The following COMP variants were observed in gnomAD, a reference collection of about 807,000 sequenced individuals.
COMP encodes cartilage oligomeric matrix protein.
A neutral mutation model predicts 95.8 loss-of-function variants in COMP; 79 were observed. The ratio of observed to expected loss-of-function variants is 0.82; its 90% CI spans 0.69 to 0.99. The LOEUF is 0.99. Among genes scored for constraint, COMP ranks in the 50% least tolerant of loss-of-function variants. COMP has a pLI of 0.00. For synonymous variants in COMP, 438 were observed against 433.9 expected, an observed-to-expected ratio of 1.01 and a Z score of -0.12; for missense variants, 906 against 1,076.1, an observed-to-expected ratio of 0.84 and a Z score of 2.21.
At chr19:18,790,432 C>A (rs574216328) in intron 3 of COMP, 130 bp downstream of exon 3, 2 of 1,190,488 alleles carry the variant, frequency 1.7e-6, no homozygotes, top group South Asian at 1.2e-5. Context: ...CCCGTTCGTC[C>A]GTCCACCTCT....
At position 18,786,268 on chromosome 19, in the gene COMP, C is replaced by T; in HGVS notation, c.1278G>A (p.Val426=). 6.2e-7 allele frequency: 1 copy of T among 1,614,036 alleles called. No individual in the cohort carries two copies. The highest frequency in any genetic ancestry group is 1.6e-4 in the Middle Eastern group (1 of 6,062). Residue 426 remains valine, a synonymous_variant, in exon 12 of 19, where the codon GTG becomes GTA. Transcript: ENST00000222271. ...CTTGATCGCTGTCACAAGCATCTCC[C>T]ACAAAGTCGTGGTCCACATCCGCCT... ...PDQADVDHDF[V]GDACDSDQDQ...
chr19:18,787,156 G>A, intron 10 of COMP: 1 of 454,524 alleles, frequency 2.2e-6, no homozygotes, highest in Non-Finnish European at 4.1e-6. Context: ...GCTCAGCTGG[G>A]TGCCCGTGTG....
Position 18,784,284 on chromosome 19 carries a change from C to T in COMP, c.1994G>A (p.Arg665Gln), listed in dbSNP as rs774638335. The T allele has an allele frequency of 3.7e-5, 59 of 1,613,964 alleles. 1 individual carries two copies. The highest frequency in any genetic ancestry group is 4.3e-5 in the Non-Finnish European group (51 of 1,180,024). Residue 665 changes from arginine to glutamine, a missense_variant, in exon 17 of 19, where the codon CGG (arginine) becomes CAG (glutamine). Transcript: ENST00000222271. The surrounding 1 kb of genome is among the most constrained non-coding windows in gnomAD (Gnocchi z 4.9). ...WHTGDTESQVRLLWKDPRNVG... is the reference protein window; with the variant it reads ...WHTGDTESQVQLLWKDPRNVG... ...GTTTCGCGGGTCCTTCCACAGCAGCCGCACCTGGGACTCTGTGTCTCCTGT... is the reference window on the plus strand; with the variant it reads ...GTTTCGCGGGTCCTTCCACAGCAGCTGCACCTGGGACTCTGTGTCTCCTGT...
intron 17 of COMP, among the ~76,000 whole-genome samples, chr19:18,783,836 C>T (rs1328249128): frequency 2.0e-5 from 3 of 152,266 alleles, no homozygotes; most frequent in East Asian, 1.9e-4. Context: ...TCTCAAACTC[C>T]GGACCTCAGG....
At chr19:18,783,946 A>AT (rs1314986946) in intron 17 of COMP, among the ~76,000 whole-genome samples, 2 of 151,982 alleles carry the variant, frequency 1.3e-5, no homozygotes, top group African/African-American at 4.8e-5. Flanking sequence ...GGGTCTTACT[A>AT]TGTTACCCAG....
chr19:18,785,567 A>T, intron 14 of COMP, 21 bp from the exon 15 acceptor site: 1 of 1,613,950 alleles, frequency 6.2e-7, no homozygotes, highest in East Asian at 2.2e-5. Flanking sequence ...CAAAGAAAGG[A>T]GGGCCTCAGG....
At chr19:18,783,906 G>T (rs1172251420) in intron 17 of COMP, among the ~76,000 whole-genome samples, 1 of 152,106 alleles carries the variant, frequency 6.6e-6, no homozygotes, top group East Asian at 1.9e-4. Flanking sequence ...CACTGCGCCT[G>T]GCCTAATTTT....
rs967803053 is a variant in COMP, at chr19:18,789,790, G to T, written c.390+152C>A. 4.5e-5 allele frequency: 45 copies of T among 1,005,022 alleles called. 2 individuals carry two copies. The highest frequency in any genetic ancestry group is 3.6e-4 in the East Asian group (14 of 38,406). 62.3% of individuals were successfully genotyped at this position (1,005,022 alleles called of 1,614,324 possible). On this transcript the variant is annotated intron_variant, in intron 4 of 18. Coordinates refer to ENST00000222271, the MANE Select transcript of COMP (RefSeq NM_000095.3). The surrounding 1 kb of genome is among the most constrained non-coding windows in gnomAD (Gnocchi z 6.1). ...TGGTCCTTGGGTTGGGCGTCCCCCC[G>T]CGGTAAGGAGGTAGTCTGGCCGTGC...
At position 18,785,853 on chromosome 19, in the gene COMP, T is replaced by C; in HGVS notation, c.1490-2A>G. 1 of 1,611,014 alleles carries C rather than the reference T, an allele frequency of 6.2e-7. No homozygotes were observed. Among genetic ancestry groups the C allele is most frequent in the Non-Finnish European group, 8.5e-7 (1 of 1,179,980 alleles). On this transcript the variant is annotated splice_acceptor_variant, in intron 13 of 18. Coordinates refer to ENST00000222271, the MANE Select transcript of COMP (RefSeq NM_000095.3). LOFTEE classifies it high-confidence loss of function. ...GGCACACGTCGCCCACGCCGTCCCC[T>C]GAGAGGTGGGAGACCCCTCGGTGGG...
intron 3 of COMP, 50 bp from the exon 4 acceptor site, chr19:18,790,164 G>T: frequency 2.2e-6 from 3 of 1,392,012 alleles, no homozygotes; most frequent in Non-Finnish European, 2.9e-6. Context: ...TGGCTCGCCC[G>T]GGGGCAGAGC....
chr19:18,787,900 TTCTTTC>T (rs1214448762), intron 9 of COMP, among the ~76,000 whole-genome samples: 1 of 150,256 alleles, frequency 6.7e-6, no homozygotes, highest in Non-Finnish European at 1.5e-5. Context: ...CTTTCTTTCT[TTCTTTC>T]TTTCTTTCTT....
intron 10 of COMP, among the ~76,000 whole-genome samples, chr19:18,787,213 C>T (rs1243542112): frequency 6.6e-6 from 1 of 152,228 alleles, no homozygotes; most frequent in Non-Finnish European, 1.5e-5. Context: ...TGTCACCTCC[C>T]AGGTCCTAAA....
In COMP at chr19:18,784,995, G is replaced by A; in HGVS notation, c.1815C>T (p.Asp605=). Residue 605 remains aspartate, a synonymous_variant, in exon 16 of 19, where the codon GAC becomes GAT. Coordinates refer to ENST00000222271, the MANE Select transcript of COMP (RefSeq NM_000095.3). This position sits in a 1 kb window ranked among gnomAD's most constrained non-coding sequence, Gnocchi z 4.9. ...DYAGFIFGYQ[D]SSSFYVVMWK... ...ACATGACCACGTAGAAGCTGGAGCT[G>A]TCCTGGTAGCCAAAGATGAAGCCCG... 1 of 1,614,114 alleles carries A rather than the reference G, an allele frequency of 6.2e-7. No individual in the cohort carries two copies. Among genetic ancestry groups the A allele is most frequent in the Admixed American group, 1.7e-5 (1 of 60,024 alleles).
In COMP at chr19:18,788,554, A is replaced by T; in HGVS notation, c.762+38T>A. 6.4e-7 allele frequency: 1 copy of T among 1,552,294 alleles called. No individual in the cohort carries two copies. Among genetic ancestry groups the T allele is most frequent in the South Asian group, 1.2e-5 (1 of 84,568 alleles). On this transcript the variant is annotated intron_variant, in intron 7 of 18. Transcript: ENST00000222271. The surrounding 1 kb of genome is among the most constrained non-coding windows in gnomAD (Gnocchi z 4.7). ...AAGTGGGTGCCCTGGAGTGGCCGCCACCCAACCCCGCCTCAAGCCCAGCCC... is the reference window on the plus strand; with the variant it reads ...AAGTGGGTGCCCTGGAGTGGCCGCCTCCCAACCCCGCCTCAAGCCCAGCCC...
chr19:18,789,812 G>A lies in COMP; in HGVS notation c.390+130C>T. On this transcript the variant is annotated intron_variant, in intron 4 of 18. Coordinates refer to ENST00000222271, the MANE Select transcript of COMP (RefSeq NM_000095.3). This position sits in a 1 kb window ranked among gnomAD's most constrained non-coding sequence, Gnocchi z 6.1. ...CCCGCGGTAAGGAGGTAGTCTGGCC[G>A]TGCGCCCCCGGAGGTGAGAGGCTCT... 2.5e-6 allele frequency: 3 copies of A among 1,193,222 alleles called. No individual in the cohort carries two copies. The highest frequency in any genetic ancestry group is 1.3e-5 in the South Asian group (1 of 76,884). 73.9% of individuals were successfully genotyped at this position (1,193,222 alleles called of 1,614,324 possible).
Position 18,785,727 on chromosome 19 carries a change from C to G in COMP, c.1614G>C (p.Val538=), listed in dbSNP as rs761133261. 6.2e-7 allele frequency: 1 copy of G among 1,613,442 alleles called. No individual in the cohort carries two copies. Among genetic ancestry groups the G allele is most frequent in the African/African-American group, 1.3e-5 (1 of 74,938 alleles). ...LTDFRAFQTV[V]LDPEGDAQID... is the part of the protein sequence containing the mutation. ...TCTGCGCGTCACCCTCCGGGTCCAG[C>G]ACGACTGTCTGGAAGGCCCTGAAGT... The change falls in exon 14 of 19, where the codon GTG becomes GTC. Residue 538 remains valine (V), a synonymous_variant. Transcript: ENST00000222271.
At position 18,786,643 on chromosome 19, in the gene COMP, G is replaced by A; in HGVS notation, c.1143C>T (p.Arg381=). ...CDDDIDGDRI[R]NQADNCPRVP... ...CCCTAGGGCAGTTGTCGGCCTGGTT[G>A]CGGATCCCTGCAGAAATCCACGGGA... The change falls in exon 11 of 19, where the codon CGC becomes CGT. Residue 381 remains arginine (R), a synonymous_variant. Coordinates refer to ENST00000222271, the MANE Select transcript of COMP (RefSeq NM_000095.3). The A allele has an allele frequency of 6.2e-7, 1 of 1,613,676 alleles. No individual in the cohort carries two copies. Among genetic ancestry groups the A allele is most frequent in the Non-Finnish European group, 8.5e-7 (1 of 1,179,748 alleles).
chr19:18,788,337 A>C lies in COMP; in HGVS notation c.868-18T>G. On this transcript the variant is annotated intron_variant, in intron 8 of 18. Transcript: ENST00000222271. This position sits in a 1 kb window ranked among gnomAD's most constrained non-coding sequence, Gnocchi z 4.7. ...CAGTTGTCCTGGGGGCGGGCACAGA[A>C]GGTGTGAGGGGCGCGGTCATGAAGT... The C allele has an allele frequency of 6.2e-7, 1 of 1,609,344 alleles. No individual in the cohort carries two copies. The highest frequency in any genetic ancestry group is 8.5e-7 in the Non-Finnish European group (1 of 1,179,316).
At position 18,788,377 on chromosome 19, in the gene COMP, T is replaced by G; in HGVS notation, c.867+33A>C. ...GGTCATGAAGTCCCGCCCTCCCTCC[T>G]GCCCAAGCCCGCCCCGCTCCGCCCC... On this transcript the variant is annotated intron_variant, in intron 8 of 18. Coordinates refer to ENST00000222271, the MANE Select transcript of COMP (RefSeq NM_000095.3). This position sits in a 1 kb window ranked among gnomAD's most constrained non-coding sequence, Gnocchi z 4.7. The G allele has an allele frequency of 3.5e-6, 5 of 1,440,028 alleles. No homozygotes were observed. The highest frequency in any genetic ancestry group is 4.8e-6 in the Non-Finnish European group (5 of 1,041,310). 89.2% of individuals were successfully genotyped at this position (1,440,028 alleles called of 1,614,324 possible).
Sources: gnomAD v4.1 joint callset for allele counts (sites outside exome capture counted in the v4.1 genomes callset) on GRCh38, gnomAD v4.1.1 for gene constraint, Gnocchi (gnomAD v3.1) non-coding constraint, MANE v1.5 for transcripts, NCBI Gene and HGNC (gene_info 2026-07-23, HGNC 2026-07-21) for gene names.